Variants in CSF3R observed in about 807,000 individuals in gnomAD.
The protein encoded by CSF3R is granulocyte colony-stimulating factor receptor.
Under a neutral mutation model 84.4 loss-of-function variants are expected in CSF3R, and 52 were observed. That is an observed-to-expected ratio of 0.62 (90% CI 0.49 to 0.78). CSF3R has a LOEUF of 0.78. Among genes scored for constraint, CSF3R ranks in the 30% least tolerant of loss-of-function variants. The probability of loss-of-function intolerance (pLI) is 0.00; values close to 1 mark genes in which losing one functional copy is unlikely to be tolerated. For synonymous variants in CSF3R, 384 were observed against 429.1 expected (o/e 0.89, Z 1.30); for missense variants, 890 against 1,055.7 (o/e 0.84, Z 2.17).
chr1:36,480,952 C>T (rs1651481536), intron 2 of CSF3R, among the ~76,000 whole-genome samples: 1 of 152,218 alleles, frequency 6.6e-6, no homozygotes, highest in Non-Finnish European at 1.5e-5. Context: ...ATTTCGGCTC[C>T]AGTTACTCCT....
chr1:36,471,050 T>G, intron 10 of CSF3R, among the ~76,000 whole-genome samples: 1 of 152,016 alleles, frequency 6.6e-6, no homozygotes, highest in East Asian at 1.9e-4. Flanking sequence ...TTTTTTGTTT[T>G]TTTTTGTTTT....
In CSF3R at chr1:36,466,279, G is replaced by T; in HGVS notation, c.*78C>A. On this transcript the variant is annotated 3_prime_UTR_variant, in exon 17 of 17. Transcript: ENST00000373106. The surrounding 1 kb of genome is among the most constrained non-coding windows in gnomAD (Gnocchi z 4.6). The stretch of plus-strand genomic sequence containing the variant: ...TGGGCTGGGGTAGTTTTTAGTCATG[G>T]GCTTATGGACCCTCCCCTCTTCTCC... The T allele has an allele frequency of 6.2e-7, 1 of 1,611,900 alleles. No individual in the cohort carries two copies. The highest frequency in any genetic ancestry group is 8.5e-7 in the Non-Finnish European group (1 of 1,179,304).
In CSF3R at chr1:36,466,525, G is replaced by A. The variant is rs1334081741; in HGVS notation, c.2343C>T (p.Thr781=). The part of the protein sequence containing the change: ...DSTQPLLAGL[T]PSPKSYENLW... Reference sequence around the variant, plus strand: ...GGTTCTCATAGGACTTGGGGCTGGGGGTGAGGCCCGCCAAGAGGGGCTGAG... The same window carrying A: ...GGTTCTCATAGGACTTGGGGCTGGGAGTGAGGCCCGCCAAGAGGGGCTGAG... Residue 781 remains threonine (T), a synonymous_variant, in exon 17 of 17, where the codon ACC becomes ACT. Transcript: ENST00000373106. The surrounding 1 kb of genome is among the most constrained non-coding windows in gnomAD (Gnocchi z 4.6). The A allele has an allele frequency of 4.3e-6, 7 of 1,609,794 alleles. No individual in the cohort carries two copies. The highest frequency in any genetic ancestry group is 5.9e-6 in the Non-Finnish European group (7 of 1,177,344).
intron 3 of CSF3R, among the ~76,000 whole-genome samples, chr1:36,478,423 G>A (rs952887466): frequency 6.6e-6 from 1 of 151,974 alleles, no homozygotes; most frequent in Non-Finnish European, 1.5e-5. Context: ...CAGCTATTCG[G>A]GAGGCTGAGG....
Position 36,472,245 on chromosome 1 carries a change from G to A in CSF3R, c.990C>T (p.Thr330=), listed in dbSNP as rs191548090. 19 of 1,614,222 alleles carry A rather than the reference G, an allele frequency of 1.2e-5. No individual in the cohort carries two copies. The East Asian group carries it at 1.6e-4, about 13-fold the overall frequency. Residue 330 remains threonine, a synonymous_variant, in exon 8 of 17, where the codon ACC becomes ACT. Transcript: ENST00000373106. The surrounding 1 kb of genome is among the most constrained non-coding windows in gnomAD (Gnocchi z 5.0). ...CTCTCATCACCTCCTTACCCCGTTC[G>A]GTAGTTCTCAGCTCCAGGCTGGGGC... ...DWSPSLELRT[T]ERAPTVRLDT...
intron 4 of CSF3R, among the ~76,000 whole-genome samples, chr1:36,474,319 A>C (rs1433734261): frequency 6.6e-6 from 1 of 151,562 alleles, no homozygotes; most frequent in South Asian, 2.1e-4. Context: ...CTCACTCTAC[A>C]TGAAGTGCTC....
At position 36,477,925 on chromosome 1, in the gene CSF3R, A is replaced by AT. The variant is rs1651265531; in HGVS notation, c.64+1507dup. On this transcript the variant is annotated intron_variant, in intron 3 of 16. Coordinates refer to ENST00000373106, the MANE Select transcript of CSF3R (RefSeq NM_000760.4). Reference sequence around the variant, plus strand: ...AGGCACCCGGCACCATGCCCGGCTAATTTTTTGTATTTTTAGTAGATACAG... The same window carrying AT: ...AGGCACCCGGCACCATGCCCGGCTAATTTTTTTGTATTTTTAGTAGATACAG... 2.6e-5 allele frequency among the ~76,000 whole-genome samples: 4 copies of AT among 151,756 alleles called. No individual in the cohort carries two copies. The South Asian group carries it at 8.4e-4, about 32-fold the overall frequency.
In CSF3R at chr1:36,469,139, C is replaced by T; in HGVS notation, c.1576+17G>A. Reference sequence around the variant, plus strand: ...GAGAGGAGAGGATTCTGGAAAGGGGCCTGATAGTTGACAAACCCATTTCTT... The same window carrying T: ...GAGAGGAGAGGATTCTGGAAAGGGGTCTGATAGTTGACAAACCCATTTCTT... On this transcript the variant is annotated intron_variant, in intron 12 of 16. Transcript: ENST00000373106. The T allele has an allele frequency of 6.3e-7, 1 of 1,575,498 alleles. No homozygotes were observed. Among genetic ancestry groups the T allele is most frequent in the Non-Finnish European group, 8.7e-7 (1 of 1,145,362 alleles).
rs375011831 is a variant in CSF3R, at chr1:36,468,128, C to T, written c.1670G>A (p.Ser557Asn). The T allele has an allele frequency of 6.2e-7, 1 of 1,614,014 alleles. No homozygotes were observed. The highest frequency in any genetic ancestry group is 1.3e-5 in the African/African-American group (1 of 74,940). The change falls in exon 13 of 17, where the codon AGC becomes AAC. Residue 557 changes from serine (S) to asparagine (N), a missense_variant. By Grantham distance (46) the Ser-to-Asn change is conservative (BLOSUM62 1). Coordinates refer to ENST00000373106, the MANE Select transcript of CSF3R (RefSeq NM_000760.4). Reference sequence around the variant, plus strand: ...GAAGATGGTGTAGTGGGTAAGGGGGCTCTTCCCCAGCTCAGGGGGCTCAGG... The same window carrying T: ...GAAGATGGTGTAGTGGGTAAGGGGGTTCTTCCCCAGCTCAGGGGGCTCAGG... ...WVPEPPELGK[S>N]PLTHYTIFWT...
chr1:36,475,302 C>T (rs545084152), intron 4 of CSF3R, 75 bp downstream of exon 4: 53 of 1,581,518 alleles, frequency 3.4e-5, no homozygotes, highest in East Asian at 4.5e-5. Context: ...CCAACGTGCC[C>T]GGCTGGTAAT....
At chr1:36,478,383 G>T (rs965335843) in intron 3 of CSF3R, among the ~76,000 whole-genome samples, 1 of 151,300 alleles carries the variant, frequency 6.6e-6, no homozygotes, top group African/African-American at 2.4e-5. Context: ...ACAAAAATTT[G>T]CAGGGCCTGG....
rs772453466 is a variant in CSF3R, at chr1:36,472,264, C to G, written c.971G>C (p.Ser324Thr). The G allele has an allele frequency of 6.2e-6, 10 of 1,614,210 alleles. No homozygotes were observed. The highest frequency in any genetic ancestry group is 2.2e-5 in the East Asian group (1 of 44,876). ...CCGTTCGGTAGTTCTCAGCTCCAGGCTGGGGCTCCAGTCGCTCCAGTGGCC... is the reference window on the plus strand; with the variant it reads ...CCGTTCGGTAGTTCTCAGCTCCAGGGTGGGGCTCCAGTCGCTCCAGTGGCC... ...LPGHWSDWSPSLELRTTERAP... is the reference protein window; with the variant it reads ...LPGHWSDWSPTLELRTTERAP... The change falls in exon 8 of 17, where the codon AGC becomes ACC. Residue 324 changes from serine (S) to threonine (T), a missense_variant. Coordinates refer to ENST00000373106, the MANE Select transcript of CSF3R (RefSeq NM_000760.4). This position sits in a 1 kb window ranked among gnomAD's most constrained non-coding sequence, Gnocchi z 5.0.
chr1:36,475,976 G>A, intron 3 of CSF3R: 1 of 337,464 alleles, frequency 3.0e-6, no homozygotes. Context: ...GCCTATTGAT[G>A]TGACATCATT....
At chr1:36,473,080 T>C (rs1424965977) in intron 6 of CSF3R, 1 of 400,406 alleles carries the variant, frequency 2.5e-6, no homozygotes, top group African/African-American at 2.0e-5. Context: ...CTTATTGCTA[T>C]CTGAAATTCT....
Position 36,467,005 on chromosome 1 carries a change from C to T in CSF3R, c.2041-178G>A. The T allele has an allele frequency of 1.3e-6, 2 of 1,484,058 alleles. No individual in the cohort carries two copies. The highest frequency in any genetic ancestry group is 1.8e-6 in the Non-Finnish European group (2 of 1,082,396). The allele number at this position is 1,484,058 out of a possible 1,614,324, so 91.9% of individuals were successfully genotyped here. On this transcript the variant is annotated intron_variant, in intron 16 of 16. Transcript: ENST00000373106. The surrounding 1 kb of genome is among the most constrained non-coding windows in gnomAD (Gnocchi z 4.1). ...TCACACATGCCTGACACATGCCATG[C>T]ACCGTTCAGACTCAGCATGGTCAGT...
In CSF3R at chr1:36,473,431, C is replaced by T. The variant is rs771742767; in HGVS notation, c.673+4G>A. 2 of 1,613,514 alleles carry T rather than the reference C, an allele frequency of 1.2e-6. No homozygotes were observed. Among genetic ancestry groups the T allele is most frequent in the East Asian group, 2.2e-5 (1 of 44,874 alleles). On this transcript the variant is annotated splice_donor_region_variant and intron_variant, in intron 6 of 16. Transcript: ENST00000373106. ...GGATCCCCTCCCTCCCCTGCATCAC[C>T]CACCAACATCCATGGGATCAAGACA...
chr1:36,482,403 C>T (rs1651586013), intron 1 of CSF3R, among the ~76,000 whole-genome samples: 1 of 151,642 alleles, frequency 6.6e-6, no homozygotes, highest in African/African-American at 2.4e-5. Context: ...CAGAGAAACT[C>T]AGAGAGATAG....
rs776535279 is a variant in CSF3R, at chr1:36,466,751, G to A, written c.2117C>T (p.Pro706Leu). The A allele has an allele frequency of 8.1e-6, 13 of 1,614,082 alleles. No individual in the cohort carries two copies. The Admixed American group carries it at 1.0e-4, about 12-fold the overall frequency. Reference protein sequence around the residue: ...LTVLEEDEKKPVPWESHNSSE... With the variant: ...LTVLEEDEKKLVPWESHNSSE... ...GCTGTTATGGGACTCCCAGGGCACC[G>A]GCTTCTTTTCATCCTCCTCCAGCAC... Residue 706 changes from proline (P) to leucine (L), a missense_variant, in exon 17 of 17, where the codon CCG becomes CTG. Pro to Leu is a moderately conservative substitution (Grantham distance 98). Transcript: ENST00000373106. This position sits in a 1 kb window ranked among gnomAD's most constrained non-coding sequence, Gnocchi z 4.6.
At chr1:36,474,249 C>T (rs1650973774) in intron 4 of CSF3R, among the ~76,000 whole-genome samples, 1 of 152,180 alleles carries the variant, frequency 6.6e-6, no homozygotes, top group Non-Finnish European at 1.5e-5. Context: ...GCATCCTCAT[C>T]TGTAAAATGG....
Sources: allele counts gnomAD v4.1 joint callset (sites outside exome capture counted in the v4.1 genomes callset), GRCh38; gene constraint gnomAD v4.1.1; non-coding constraint Gnocchi (gnomAD v3.1); transcripts MANE v1.5; gene names NCBI Gene and HGNC (gene_info 2026-07-23, HGNC 2026-07-21).